The following PTPRN2 variants were observed in gnomAD, a reference collection of about 807,000 sequenced individuals.
The protein encoded by PTPRN2 is receptor-type tyrosine-protein phosphatase N2.
In PTPRN2, 74 loss-of-function variants were observed where a neutral mutation model predicts 118.8. That is an observed-to-expected ratio of 0.62 (90% CI 0.52 to 0.76). The LOEUF (loss-of-function observed/expected upper bound fraction) is 0.76. PTPRN2 is among the 30% of genes least tolerant of loss of function. The pLI, the probability that PTPRN2 is intolerant of heterozygous loss-of-function variation, is 0.00. For missense variants in PTPRN2, 1,481 were observed against 1,394.4 expected, an observed-to-expected ratio of 1.06 and a Z score of -0.99; for synonymous variants, 641 against 608.0, an observed-to-expected ratio of 1.05 and a Z score of -0.80.
At chr7:158,019,454 G>A (rs572674002) in intron 11 of PTPRN2, among the ~76,000 whole-genome samples, 16 of 152,384 alleles carry the variant, frequency 1.0e-4, no homozygotes, top group Middle Eastern at 3.4e-3. Context: ...GACCGTGTCA[G>A]ACAGCGCGGT....
At chr7:157,696,422 C>G (rs35511473) in intron 12 of PTPRN2, among the ~76,000 whole-genome samples, 13,661 of 124,556 alleles carry the variant, frequency 0.11, 202 homozygotes, top group Non-Finnish European at 0.15. Context: ...GAGCCCTCAC[C>G]ATCTACCCAT....
intron 2 of PTPRN2, among the ~76,000 whole-genome samples, chr7:158,413,137 C>G (rs752600401): frequency 2.6e-5 from 4 of 151,890 alleles, no homozygotes; most frequent in Non-Finnish European, 4.4e-5. Context: ...ACCCATCCAG[C>G]GCCCTCCTCA....
intron 2 of PTPRN2, among the ~76,000 whole-genome samples, chr7:158,337,388 GGTAACAC>G (rs1805843321): frequency 4.7e-5 from 5 of 105,314 alleles, no homozygotes; most frequent in East Asian, 3.1e-4. Context: ...CACCATAAGA[GGTAACAC>G]CTGCAGACGT....
intron 11 of PTPRN2, among the ~76,000 whole-genome samples, chr7:157,914,090 T>C (rs1038535915): frequency 6.6e-6 from 1 of 152,258 alleles, no homozygotes; most frequent in East Asian, 1.9e-4. Context: ...TATTCTTTTA[T>C]ATGCCAAAGC....
chr7:157,897,732 G>C (rs1306663434), intron 12 of PTPRN2, among the ~76,000 whole-genome samples: 1 of 152,244 alleles, frequency 6.6e-6, no homozygotes, highest in East Asian at 1.9e-4. Flanking sequence ...TCAAGAGCCC[G>C]AGTCTGGGGC....
At chr7:158,055,923 G>T (rs1407179699) in intron 11 of PTPRN2, among the ~76,000 whole-genome samples, 1 of 152,118 alleles carries the variant, frequency 6.6e-6, no homozygotes, top group African/African-American at 2.4e-5. Context: ...CCACACACGG[G>T]GAGAAAAACC....
rs976549573 is a variant in PTPRN2, at chr7:157,784,345, C to T, written c.1789-101408G>A. The stretch of plus-strand genomic sequence containing the variant: ...CGGATTAGGGGGGCGGTTCAGCAGC[C>T]CCTCGAACCTTCACCCGGGGCTCGT... On this transcript the variant is annotated intron_variant, in intron 12 of 22. Coordinates refer to ENST00000389418, the MANE Select transcript of PTPRN2 (RefSeq NM_002847.5). This position sits in a 1 kb window ranked among gnomAD's most constrained non-coding sequence, Gnocchi z 4.6. Among the ~76,000 whole-genome samples, 8 of 152,098 alleles carry T rather than the reference C, an allele frequency of 5.3e-5. No homozygotes were observed. Among genetic ancestry groups the T allele is most frequent in the Non-Finnish European group, 7.4e-5 (5 of 68,010 alleles).
intron 1 of PTPRN2, among the ~76,000 whole-genome samples, chr7:158,576,670 A>G (rs1199556717): frequency 6.6e-6 from 1 of 152,228 alleles, no homozygotes; most frequent in East Asian, 1.9e-4. Context: ...GTTCTGGAGC[A>G]AGATGGAAAT....
At chr7:157,734,082 C>T (rs1468320913) in intron 12 of PTPRN2, among the ~76,000 whole-genome samples, 1 of 104,208 alleles carries the variant, frequency 9.6e-6, no homozygotes, top group African/African-American at 4.3e-5. Context: ...GTCCCATGCA[C>T]CCAGCACAGT....
At chr7:158,197,113 C>A (rs1022697966) in intron 4 of PTPRN2, among the ~76,000 whole-genome samples, 4 of 152,204 alleles carry the variant, frequency 2.6e-5, no homozygotes, top group Non-Finnish European at 5.9e-5. Context: ...CAGAAAAAGT[C>A]TGGGTATGTC....
chr7:158,069,049 T>C (rs973418812), intron 11 of PTPRN2, among the ~76,000 whole-genome samples: 1 of 152,314 alleles, frequency 6.6e-6, no homozygotes, highest in South Asian at 2.1e-4. Context: ...CTTTGCATCA[T>C]ACGAATCATC....
chr7:157,827,250 T>C (rs1807235743), intron 12 of PTPRN2, among the ~76,000 whole-genome samples: 1 of 152,204 alleles, frequency 6.6e-6, no homozygotes. Context: ...CTAGAGCTTT[T>C]CGACAACACC....
At chr7:158,077,091 C>G (rs1256049194) in intron 11 of PTPRN2, among the ~76,000 whole-genome samples, 1 of 152,204 alleles carries the variant, frequency 6.6e-6, no homozygotes, top group African/African-American at 2.4e-5. Context: ...GCCTGGGCAG[C>G]CCTTGCTCCA....
chr7:157,736,929 G>T (rs77185864), intron 12 of PTPRN2, among the ~76,000 whole-genome samples: 35,678 of 152,082 alleles, frequency 0.23, 4,954 homozygotes, highest in Non-Finnish European at 0.33. Context: ...TCTCCGTCCT[G>T]GTGGGATGGG....
intron 12 of PTPRN2, among the ~76,000 whole-genome samples, chr7:157,810,608 T>C (rs1406910944): frequency 1.2e-5 from 1 of 82,356 alleles, no homozygotes; most frequent in Non-Finnish European, 2.2e-5. Flanking sequence ...ACGGCGGGAC[T>C]GCTGGGGGCT....
intron 2 of PTPRN2, among the ~76,000 whole-genome samples, chr7:158,412,528 C>T (rs1586611068): frequency 9.5e-6 from 1 of 105,048 alleles, no homozygotes; most frequent in African/African-American, 4.0e-5. Flanking sequence ...GCACCCTCCT[C>T]AGCACCAGGG....
intron 5 of PTPRN2, among the ~76,000 whole-genome samples, chr7:158,187,358 C>G (rs1825255851): frequency 6.6e-6 from 1 of 152,188 alleles, no homozygotes; most frequent in Non-Finnish European, 1.5e-5. Flanking sequence ...AAATAATTCA[C>G]AGGAAGTTGA....
chr7:158,220,453 A>C (rs1476739034), intron 3 of PTPRN2, among the ~76,000 whole-genome samples: 1 of 152,186 alleles, frequency 6.6e-6, no homozygotes, highest in Non-Finnish European at 1.5e-5. Flanking sequence ...AGAACTAATA[A>C]ATGACTTCAG....
chr7:158,359,849 GAC>G (rs1215954256), intron 2 of PTPRN2, among the ~76,000 whole-genome samples: 15 of 152,110 alleles, frequency 9.9e-5, no homozygotes, highest in African/African-American at 3.6e-4. Flanking sequence ...TTCTTCCTCT[GAC>G]AGTTTTTAAT....
Sources: allele counts gnomAD v4.1 joint callset (sites outside exome capture counted in the v4.1 genomes callset), GRCh38; gene constraint gnomAD v4.1.1; non-coding constraint Gnocchi (gnomAD v3.1); transcripts MANE v1.5; gene names NCBI Gene and HGNC (gene_info 2026-07-23, HGNC 2026-07-21).